The following PYM1 variants were observed in gnomAD, a reference collection of about 807,000 sequenced individuals.
PYM1 encodes the protein partner of Y14 and mago.
Under a neutral mutation model 20.7 loss-of-function variants are expected in PYM1, and 7 were observed. The observed-to-expected ratio is 0.34, with a 90% confidence interval of 0.19 to 0.64. The LOEUF (loss-of-function observed/expected upper bound fraction) is 0.64, where lower values mean the gene tolerates loss of function less well. PYM1 is among the 30% of genes least tolerant of loss of function. PYM1 has a pLI of 0.74. For synonymous variants in PYM1, 100 were observed against 99.2 expected, an observed-to-expected ratio of 1.01 and a Z score of -0.05; for missense variants, 194 against 250.0, an observed-to-expected ratio of 0.78 and a Z score of 1.51.
intron 1 of PYM1, among the ~76,000 whole-genome samples, chr12:55,921,005 C>G (rs1883089148): frequency 6.6e-6 from 1 of 152,162 alleles, no homozygotes; most frequent in Non-Finnish European, 1.5e-5. Context: ...AATTACATAA[C>G]TAAATTTGCA....
chr12:55,913,156 T>G (rs1882953936), intron 1 of PYM1, among the ~76,000 whole-genome samples: 1 of 152,174 alleles, frequency 6.6e-6, no homozygotes, highest in African/African-American at 2.4e-5. Flanking sequence ...CCTGACTTCC[T>G]TACGCCAAGC....
At chr12:55,908,067 A>G (rs890461404) in intron 1 of PYM1, among the ~76,000 whole-genome samples, 16 of 152,054 alleles carry the variant, frequency 1.1e-4, no homozygotes, top group African/African-American at 3.9e-4. Flanking sequence ...AACATGGTGA[A>G]ACCCTGTCTC....
chr12:55,902,962 T>C (rs924648360), intron 2 of PYM1, among the ~76,000 whole-genome samples: 12 of 152,084 alleles, frequency 7.9e-5, no homozygotes, highest in African/African-American at 2.9e-4. Flanking sequence ...TTTGTATTTT[T>C]AGTACAGACG....
chr12:55,924,795 A>T (rs1000260623), intron 1 of PYM1, among the ~76,000 whole-genome samples: 19 of 152,034 alleles, frequency 1.2e-4, no homozygotes, highest in African/African-American at 4.3e-4. Flanking sequence ...TCCTGTCTCA[A>T]CCTCCCGAGT....
At chr12:55,914,265 C>A (rs1234472910) in intron 1 of PYM1, 1 of 701,986 alleles carries the variant, frequency 1.4e-6, no homozygotes, top group Non-Finnish European at 2.6e-6. Context: ...CCCATTATCA[C>A]AAAGGAGCAC....
At chr12:55,905,200 G>T (rs1370366283) in intron 1 of PYM1, among the ~76,000 whole-genome samples, 20 of 148,930 alleles carry the variant, frequency 1.3e-4, no homozygotes, top group African/African-American at 4.9e-4. Flanking sequence ...TAATAAAGAC[G>T]GGGTTTCACC....
At position 55,927,865 on chromosome 12, in the gene PYM1, G is replaced by A. The variant is rs1883225881; in HGVS notation, c.-104C>T. ...CGGCGAAGTGATGAGGGCCCTAGTT[G>A]CTTCTCGCCCAGACCTCCTAACCCT... On this transcript the variant is annotated 5_prime_UTR_variant, in exon 1 of 3. Coordinates refer to ENST00000408946, the MANE Select transcript of PYM1 (RefSeq NM_032345.3). 1.4e-6 allele frequency: 2 copies of A among 1,437,438 alleles called. No homozygotes were observed. The highest frequency in any genetic ancestry group is 2.2e-5 in the Admixed American group (1 of 45,126). The allele number at this position is 1,437,438 out of a possible 1,614,324, so 89.0% of individuals were successfully genotyped here.
At chr12:55,917,296 C>T (rs1207266159) in intron 1 of PYM1, among the ~76,000 whole-genome samples, 1 of 151,008 alleles carries the variant, frequency 6.6e-6, no homozygotes, top group Non-Finnish European at 1.5e-5. Flanking sequence ...TGGTGGGTGC[C>T]TATAATCTCA....
chr12:55,912,103 C>T (rs895693148), intron 1 of PYM1, among the ~76,000 whole-genome samples: 7 of 151,736 alleles, frequency 4.6e-5, no homozygotes, highest in Admixed American at 2.0e-4. Context: ...AATGCCAACA[C>T]TTTGGGAAGC....
At position 55,927,753 on chromosome 12, in the gene PYM1, A is replaced by G. The variant is rs528602135; in HGVS notation, c.9T>C (p.Ala3=). The G allele has an allele frequency of 6.5e-7, 1 of 1,539,644 alleles. No individual in the cohort carries two copies. Among genetic ancestry groups the G allele is most frequent in the South Asian group, 1.2e-5 (1 of 83,942 alleles). ME[A]AGSPAATETG... ...TCTCCGTAGCCGCAGGGCTGCCGGC[A>G]GCTTCCATGGCCGAAGAGGCAGCGG... The change falls in exon 1 of 3, where the codon GCT becomes GCC. Residue 3 remains alanine, a synonymous_variant. Transcript: ENST00000408946.
intron 1 of PYM1, among the ~76,000 whole-genome samples, chr12:55,925,507 G>A (rs1288341652): frequency 6.6e-6 from 1 of 152,150 alleles, no homozygotes; most frequent in African/African-American, 2.4e-5. Flanking sequence ...ATATTCCAAT[G>A]GTGCTGGAGA....
intron 1 of PYM1, among the ~76,000 whole-genome samples, chr12:55,913,483 G>C (rs556925245): frequency 6.6e-6 from 1 of 152,274 alleles, no homozygotes; most frequent in Non-Finnish European, 1.5e-5. Context: ...TTAAGCTGTA[G>C]AATACTGATG....
At chr12:55,902,500 T>TA (rs1279215883) in intron 2 of PYM1, 145 bp from the exon 3 acceptor site, 41 of 1,228,690 alleles carry the variant, frequency 3.3e-5, no homozygotes, top group Middle Eastern at 2.8e-4. Flanking sequence ...TTTTTTGAGA[T>TA]AGAGTCTCGC....
At chr12:55,925,374 G>T (rs1883171249) in intron 1 of PYM1, among the ~76,000 whole-genome samples, 1 of 152,152 alleles carries the variant, frequency 6.6e-6, no homozygotes, top group South Asian at 2.1e-4. Flanking sequence ...AAAGTGATGG[G>T]GAGCAGCTGA....
rs761023631 is a variant in PYM1, at chr12:55,903,470, G to T, written c.48C>A (p.Ile16=). Residue 16 remains isoleucine, a synonymous_variant, in exon 2 of 3, where the codon ATC becomes ATA. Transcript: ENST00000408946. Reference sequence around the variant, plus strand: ...TCCCGTCAGGTCGCTGTGTTGACGCGATATACTTGCCTAAAATAAGAAAAA... The same window carrying T: ...TCCCGTCAGGTCGCTGTGTTGACGCTATATACTTGCCTAAAATAAGAAAAA... ...SPAATETGKY[I]ASTQRPDGTW... The T allele has an allele frequency of 2.4e-5, 38 of 1,613,306 alleles. No homozygotes were observed. The highest frequency in any genetic ancestry group is 2.8e-5 in the Non-Finnish European group (33 of 1,179,858).
chr12:55,914,675 A>G (rs1361328439), intron 1 of PYM1, among the ~76,000 whole-genome samples: 4 of 152,218 alleles, frequency 2.6e-5, no homozygotes, highest in African/African-American at 7.2e-5. Context: ...TTCAAATAAG[A>G]AAAGAGATCT....
In PYM1 at chr12:55,905,881, T is replaced by TATATATATATCTAATAG. The variant is rs1356072433; in HGVS notation, c.38-2402_38-2401insCTATTAGATATATATAT. ...ATTAGATATATATATATCTATTAGATATATATATTATTATATATATCTAAT... is the reference window on the plus strand; with the variant it reads ...ATTAGATATATATATATCTATTAGATATATATATATCTAATAGATATATATTATTATATATATCTAAT... On this transcript the variant is annotated intron_variant, in intron 1 of 2. Coordinates refer to ENST00000408946, the MANE Select transcript of PYM1 (RefSeq NM_032345.3). Among the ~76,000 whole-genome samples the TATATATATATCTAATAG allele has an allele frequency of 7.0e-5, 8 of 114,402 alleles. 2 individuals are homozygous for TATATATATATCTAATAG. Among genetic ancestry groups the TATATATATATCTAATAG allele is most frequent in the Non-Finnish European group, 1.4e-4 (8 of 56,184 alleles). The allele number at this position is 114,402 out of a possible 152,430, so 75.1% of individuals were successfully genotyped here.
intron 1 of PYM1, among the ~76,000 whole-genome samples, chr12:55,904,607 AAAAAAAAAAAAAG>A (rs1230733701): frequency 1.4e-5 from 2 of 146,118 alleles, no homozygotes; most frequent in Non-Finnish European, 3.0e-5. Flanking sequence ...AAAAAAAAAA[AAAAAAAAAAAAAG>A]AAAAAAAATT....
intron 2 of PYM1, among the ~76,000 whole-genome samples, chr12:55,902,752 A>C (rs987507071): frequency 7.0e-6 from 1 of 143,404 alleles, no homozygotes; most frequent in Non-Finnish European, 1.5e-5. Context: ...GCTTGGGATT[A>C]CAGAGAGCCA....
Sources: gnomAD v4.1 joint callset for allele counts (sites outside exome capture counted in the v4.1 genomes callset) on GRCh38, gnomAD v4.1.1 for gene constraint, MANE v1.5 for transcripts, NCBI Gene and HGNC (gene_info 2026-07-23, HGNC 2026-07-21) for gene names.